Variants in KCNMA1 observed in about 807,000 individuals in gnomAD.
KCNMA1 encodes potassium calcium-activated channel subfamily M alpha 1.
Under a neutral mutation model 140.0 loss-of-function variants are expected in KCNMA1, and 29 were observed. That is an observed-to-expected ratio of 0.21 (90% CI 0.15 to 0.28). The LOEUF is 0.28. KCNMA1 is among the 10% of genes least tolerant of loss of function. KCNMA1 has a pLI of 1.00. For synonymous variants in KCNMA1, 612 were observed against 611.9 expected, an observed-to-expected ratio of 1.00 and a Z score of 0.00; for missense variants, 880 against 1,602.2, an observed-to-expected ratio of 0.55 and a Z score of 7.70.
Position 77,001,422 on chromosome 10 carries a change from T to C in KCNMA1, c.2251A>G (p.Thr751Ala). ...TTAAACTTACAGGCACGGAAACTGG[T>C]GGAGCAATCATTAACAGAGACAGAA... ...LSSVSVNDCS[T>A]SFRAFEDEQP... is the part of the protein sequence containing the mutation. The change falls in exon 19 of 28, where the codon ACC becomes GCC. Residue 751 changes from threonine to alanine, a missense_variant. By Grantham distance (58) the Thr-to-Ala change is moderately conservative. This residue lies in a region of KCNMA1 where 196 missense variants were observed against 233.0 expected (regional missense o/e 0.84). Coordinates refer to ENST00000286628, the MANE Select transcript of KCNMA1 (RefSeq NM_001161352.2). 2 of 1,551,646 alleles carry C rather than the reference T, an allele frequency of 1.3e-6. No individual in the cohort carries two copies. The highest frequency in any genetic ancestry group is 1.7e-6 in the Non-Finnish European group (2 of 1,146,946).
chr10:77,417,181 G>T (rs1255951615), intron 1 of KCNMA1, among the ~76,000 whole-genome samples: 1 of 152,122 alleles, frequency 6.6e-6, no homozygotes, highest in African/African-American at 2.4e-5. Flanking sequence ...TCTCCCCAAA[G>T]CTCTCCCTGT....
At chr10:77,139,817 G>A (rs1319406446) in intron 5 of KCNMA1, among the ~76,000 whole-genome samples, 1 of 151,964 alleles carries the variant, frequency 6.6e-6, no homozygotes, top group Admixed American at 6.6e-5. Context: ...GAATAAAAAA[G>A]TACCACCCAA....
chr10:77,619,802 C>T (rs1372395047), intron 1 of KCNMA1, among the ~76,000 whole-genome samples: 1 of 152,102 alleles, frequency 6.6e-6, no homozygotes, highest in Non-Finnish European at 1.5e-5. Context: ...ACAGAGAGGA[C>T]GCATCAGGGA....
At chr10:77,224,902 C>T (rs2050820289) in intron 3 of KCNMA1, among the ~76,000 whole-genome samples, 1 of 152,170 alleles carries the variant, frequency 6.6e-6, no homozygotes, top group African/African-American at 2.4e-5. Context: ...AAGCACTCAA[C>T]ATACTTCCCA....
At chr10:76,985,930 TA>T (rs1197188671) in intron 19 of KCNMA1, among the ~76,000 whole-genome samples, 2 of 152,004 alleles carry the variant, frequency 1.3e-5, no homozygotes, top group African/African-American at 4.8e-5. Context: ...AAAAATAAAA[TA>T]AAAAAGTACT....
intron 1 of KCNMA1, among the ~76,000 whole-genome samples, chr10:77,535,741 T>C (rs2058740765): frequency 6.6e-6 from 1 of 152,220 alleles, no homozygotes; most frequent in Admixed American, 6.5e-5. Flanking sequence ...TCCTTTGCAG[T>C]AACATGGATG....
At chr10:77,430,615 T>G (rs900629456) in intron 1 of KCNMA1, among the ~76,000 whole-genome samples, 20 of 152,186 alleles carry the variant, frequency 1.3e-4, no homozygotes, top group African/African-American at 4.8e-4. Context: ...AGCATTTCTG[T>G]TCCCCAGGAG....
chr10:77,394,594 A>G (rs1293347161), intron 2 of KCNMA1, among the ~76,000 whole-genome samples: 1 of 152,206 alleles, frequency 6.6e-6, no homozygotes, highest in Non-Finnish European at 1.5e-5. Flanking sequence ...GTGGAAATCC[A>G]TATGTTCACC....
At chr10:77,165,686 A>G (rs2154087434) in intron 5 of KCNMA1, among the ~76,000 whole-genome samples, 1 of 152,258 alleles carries the variant, frequency 6.6e-6, no homozygotes, top group East Asian at 1.9e-4. Context: ...GTTGTTTTCC[A>G]TTTATACTTA....
chr10:77,406,647 C>A (rs1404567288), intron 1 of KCNMA1, among the ~76,000 whole-genome samples: 2 of 152,122 alleles, frequency 1.3e-5, no homozygotes, highest in Non-Finnish European at 2.9e-5. Flanking sequence ...TGAAATGAGA[C>A]ATGGATCTTC....
At chr10:77,187,799 GCAA>G (rs1023731269) in intron 3 of KCNMA1, among the ~76,000 whole-genome samples, 83 of 152,150 alleles carry the variant, frequency 5.5e-4, no homozygotes, top group African/African-American at 1.9e-3. Flanking sequence ...TTTTCAAGTG[GCAA>G]CAGAACTGTT....
At chr10:77,097,259 G>A (rs1368251741) in intron 9 of KCNMA1, among the ~76,000 whole-genome samples, 1 of 152,140 alleles carries the variant, frequency 6.6e-6, no homozygotes, top group African/African-American at 2.4e-5. Flanking sequence ...CAAAAAATAA[G>A]ACTAATCCAA....
intron 1 of KCNMA1, among the ~76,000 whole-genome samples, chr10:77,598,359 C>T (rs1310216289): frequency 6.6e-6 from 1 of 152,166 alleles, no homozygotes; most frequent in Non-Finnish European, 1.5e-5. Flanking sequence ...TCCCCAGCAC[C>T]TAGCACACAG....
intron 23 of KCNMA1, among the ~76,000 whole-genome samples, chr10:76,922,506 T>C (rs772792032): frequency 1.3e-5 from 2 of 152,044 alleles, no homozygotes; most frequent in South Asian, 4.1e-4. Flanking sequence ...GGCCACATCA[T>C]CAGTTTAGAG....
chr10:77,635,164 T>C (rs879650141), intron 1 of KCNMA1: 2 of 152,206 alleles, frequency 1.3e-5, no homozygotes, highest in Non-Finnish European at 2.9e-5. Flanking sequence ...CAAAAACCTA[T>C]TTTCTTGAGT....
intron 14 of KCNMA1, among the ~76,000 whole-genome samples, chr10:77,060,350 G>A (rs2095694022): frequency 6.6e-6 from 1 of 152,186 alleles, no homozygotes; most frequent in African/African-American, 2.4e-5. Context: ...GCTCAATGGA[G>A]TTTGCCATAT....
intron 2 of KCNMA1, among the ~76,000 whole-genome samples, chr10:77,286,322 T>C (rs1202485969): frequency 6.6e-6 from 1 of 152,186 alleles, no homozygotes; most frequent in Non-Finnish European, 1.5e-5. Context: ...GGAGGCTGAT[T>C]GCCAAAGTTT....
chr10:77,493,553 T>C (rs934505064), intron 1 of KCNMA1, among the ~76,000 whole-genome samples: 1 of 152,244 alleles, frequency 6.6e-6, no homozygotes, highest in Non-Finnish European at 1.5e-5. Flanking sequence ...GGTTCAGTTT[T>C]AGGCACTGGG....
At chr10:77,446,319 C>G (rs963705812) in intron 1 of KCNMA1, among the ~76,000 whole-genome samples, 1 of 152,218 alleles carries the variant, frequency 6.6e-6, no homozygotes, top group African/African-American at 2.4e-5. Context: ...AGCCTTTCAC[C>G]ATCTGAGGGG....
Sources: gnomAD v4.1 joint callset for allele counts (sites outside exome capture counted in the v4.1 genomes callset) on GRCh38, gnomAD v4.1.1 for gene constraint, gnomAD v4.1.1 regional missense constraint, MANE v1.5 for transcripts, NCBI Gene and HGNC (gene_info 2026-07-23, HGNC 2026-07-21) for gene names.